MYT1L: variants seen among roughly 807,000 people sequenced by gnomAD.
MYT1L encodes myelin transcription factor 1-like protein.
In MYT1L, 12 loss-of-function variants were observed where a neutral mutation model predicts 126.7. That is an observed-to-expected ratio of 0.09 (90% CI 0.06 to 0.15). The LOEUF is 0.15. MYT1L is among the 10% of genes least tolerant of loss of function. The probability of loss-of-function intolerance (pLI) is 1.00; values close to 1 mark genes in which losing one functional copy is unlikely to be tolerated. For synonymous variants in MYT1L, 541 were observed against 604.2 expected (o/e 0.90, Z 1.53); for missense variants, 979 against 1,585.2 (o/e 0.62, Z 6.49).
At chr2:1,826,841 G>C (rs1399272257) in intron 21 of MYT1L, 4 of 151,800 alleles carry the variant, frequency 2.6e-5, no homozygotes, top group Non-Finnish European at 5.9e-5. Context: ...CGTGGGGGCA[G>C]GGGGAGCATG....
rs552224050 is a variant in MYT1L, at chr2:2,145,301, C to T, written c.-304+27571G>A. Among the ~76,000 whole-genome samples the T allele has an allele frequency of 4.6e-5, 7 of 152,310 alleles. No homozygotes were observed. In the South Asian group the frequency reaches 8.3e-4, roughly 18 times the overall value. On this transcript the variant is annotated intron_variant, in intron 3 of 24. Coordinates refer to ENST00000647738, the MANE Select transcript of MYT1L (RefSeq NM_001303052.2). ...ATGGCCGTCTGGGGCATAGAAGTGC[C>T]GCTGAATTTGTGAAATGGAATCAGC...
At chr2:2,061,462 G>C (rs2070481280) in intron 3 of MYT1L, among the ~76,000 whole-genome samples, 1 of 151,752 alleles carries the variant, frequency 6.6e-6, no homozygotes, top group African/African-American at 2.4e-5. Flanking sequence ...GCTGTGTTTA[G>C]TGCCTTTGTT....
intron 18 of MYT1L, among the ~76,000 whole-genome samples, chr2:1,863,884 C>T (rs1374650888): frequency 6.6e-6 from 1 of 152,188 alleles, no homozygotes; most frequent in Non-Finnish European, 1.5e-5. Context: ...TGTCTTGGGA[C>T]TCCCTCTCGG....
At chr2:2,085,873 C>T (rs183943413) in intron 3 of MYT1L, among the ~76,000 whole-genome samples, 1 of 152,224 alleles carries the variant, frequency 6.6e-6, no homozygotes, top group Non-Finnish European at 1.5e-5. Flanking sequence ...GTTTCCTGAT[C>T]CACAGACTCC....
In MYT1L at chr2:2,116,421, G is replaced by A. The variant is rs73173988; in HGVS notation, c.-304+56451C>T. Among the ~76,000 whole-genome samples, 1,278 of 152,314 alleles carry A rather than the reference G, an allele frequency of 8.4e-3. 19 individuals are homozygous for A. Among genetic ancestry groups the A allele is most frequent in the African/African-American group, 0.029 (1,203 of 41,552 alleles). ...TTGCTCCCAGGAGATCTCAATCACAGTGATGACTTGAATTCTCAGGCTAGC... is the reference window on the plus strand; with the variant it reads ...TTGCTCCCAGGAGATCTCAATCACAATGATGACTTGAATTCTCAGGCTAGC... On this transcript the variant is annotated intron_variant, in intron 3 of 24. Transcript: ENST00000647738.
chr2:1,790,449 A>G lies in MYT1L; in HGVS notation c.*1418T>C, dbSNP rs2031866560. The stretch of plus-strand genomic sequence containing the variant: ...ATAGTGCAGTCATTGGGAGTAAAAC[A>G]ATCAAATCTGGAAGGTATAAACAAG... On this transcript the variant is annotated 3_prime_UTR_variant, in exon 25 of 25. Coordinates refer to ENST00000647738, the MANE Select transcript of MYT1L (RefSeq NM_001303052.2). The G allele has an allele frequency of 6.6e-6, 1 of 152,232 alleles. No individual in the cohort carries two copies. The highest frequency in any genetic ancestry group is 6.5e-5 in the Admixed American group (1 of 15,282). The allele number at this position is 152,232 out of a possible 1,614,324, so 9.4% of individuals were successfully genotyped here. A position where few individuals can be genotyped will look rare whatever the true frequency, so the allele number is the denominator to read the frequency against.
At position 1,801,871 on chromosome 2, in the gene MYT1L, T is replaced by C; in HGVS notation, c.3173-72A>G. The C allele has an allele frequency of 1.1e-6, 1 of 919,430 alleles. No individual in the cohort carries two copies. Among genetic ancestry groups the C allele is most frequent in the South Asian group, 1.7e-5 (1 of 58,106 alleles). The allele number at this position is 919,430 out of a possible 1,614,324, so 57.0% of individuals were successfully genotyped here. On this transcript the variant is annotated intron_variant, in intron 22 of 24. Transcript: ENST00000647738. The surrounding 1 kb of genome is among the most constrained non-coding windows in gnomAD (Gnocchi z 4.2). The stretch of plus-strand genomic sequence containing the variant: ...ATTAGAGTTAGAATTTTGGGAGCTT[T>C]CTTTGTTCCTTTTATATTCGTAATT...
intron 2 of MYT1L, among the ~76,000 whole-genome samples, chr2:2,188,896 G>A (rs1384099167): frequency 2.0e-5 from 3 of 152,284 alleles, no homozygotes; most frequent in East Asian, 3.9e-4. Context: ...GCCACAGTCT[G>A]ATTTCCCTAG....
chr2:2,160,416 G>C (rs2087666663), intron 3 of MYT1L, among the ~76,000 whole-genome samples: 1 of 152,176 alleles, frequency 6.6e-6, no homozygotes, highest in South Asian at 2.1e-4. Context: ...CTGTAGAGAA[G>C]TCCTCTGAAT....
intron 2 of MYT1L, among the ~76,000 whole-genome samples, chr2:2,216,097 T>C (rs2093669644): frequency 6.6e-6 from 1 of 152,150 alleles, no homozygotes; most frequent in African/African-American, 2.4e-5. Context: ...TCATTTAAGC[T>C]TCCTGAGACC....
intron 8 of MYT1L, among the ~76,000 whole-genome samples, chr2:1,956,207 ATCTATCTATCTATCTATCTG>A (rs1342895694): frequency 6.1e-4 from 88 of 143,660 alleles, no homozygotes; most frequent in African/African-American, 2.3e-3. Flanking sequence ...CTATCTATCT[ATCTATCTATCTATCTATCTG>A]TCTATCATCT....
Position 1,995,833 on chromosome 2 carries a change from G to A in MYT1L, c.-1+1358C>T, listed in dbSNP as rs570885578. On this transcript the variant is annotated intron_variant, in intron 5 of 24. Coordinates refer to ENST00000647738, the MANE Select transcript of MYT1L (RefSeq NM_001303052.2). ...GATTCTCAGGGCTGCTGCAGGTGAC[G>A]AGGTGGGCAGCGGCTCTGCCTAGGA... Among the ~76,000 whole-genome samples, 537 of 152,290 alleles carry A rather than the reference G, an allele frequency of 3.5e-3. 2 individuals carry two copies. Among genetic ancestry groups the A allele is most frequent in the Non-Finnish European group, 5.1e-3 (346 of 68,022 alleles).
chr2:2,225,356 G>A (rs879375199), intron 2 of MYT1L, among the ~76,000 whole-genome samples: 3 of 152,136 alleles, frequency 2.0e-5, no homozygotes, highest in Non-Finnish European at 4.4e-5. Context: ...ATGGGGATGG[G>A]ACATCTTCAG....
chr2:2,255,074 A>G (rs2094769916), intron 2 of MYT1L, among the ~76,000 whole-genome samples: 1 of 152,210 alleles, frequency 6.6e-6, no homozygotes, highest in African/African-American at 2.4e-5. Flanking sequence ...TAGTTAATAA[A>G]AATAGGCCAA....
At chr2:1,899,246 T>C (rs928377969) in intron 14 of MYT1L, among the ~76,000 whole-genome samples, 9 of 152,248 alleles carry the variant, frequency 5.9e-5, no homozygotes, top group African/African-American at 1.9e-4. Flanking sequence ...TGCCCTGCAC[T>C]GTGGGAGCAA....
intron 2 of MYT1L, among the ~76,000 whole-genome samples, chr2:2,267,435 T>C (rs764246193): frequency 1.3e-5 from 2 of 152,114 alleles, no homozygotes; most frequent in Non-Finnish European, 2.9e-5. Flanking sequence ...CGCTTTAGTA[T>C]GTTCTAGAAA....
intron 18 of MYT1L, among the ~76,000 whole-genome samples, chr2:1,877,533 G>C (rs1372060331): frequency 2.0e-5 from 3 of 152,168 alleles, no homozygotes; most frequent in African/African-American, 7.2e-5. Flanking sequence ...GCCAGAAGCA[G>C]GTGCTTTTAT....
rs1055069900 is a variant in MYT1L, at chr2:1,835,484, C to T, written c.3080+3665G>A. Among the ~76,000 whole-genome samples, 6 of 152,192 alleles carry T rather than the reference C, an allele frequency of 3.9e-5. No homozygotes were observed. The East Asian group carries it at 1.2e-3, about 29-fold the overall frequency. On this transcript the variant is annotated intron_variant, in intron 21 of 24. Coordinates refer to ENST00000647738, the MANE Select transcript of MYT1L (RefSeq NM_001303052.2). ...AGATCGAAAAATTGTAAGTTGAGGA[C>T]CATCTGTATACCTAACACTACTGAA...
intron 3 of MYT1L, among the ~76,000 whole-genome samples, chr2:2,086,367 T>C (rs897003390): frequency 1.3e-5 from 2 of 152,248 alleles, no homozygotes; most frequent in African/African-American, 4.8e-5. Flanking sequence ...ACTTTAAACA[T>C]TATTTTTAAT....
Sources: gnomAD v4.1 joint callset for allele counts (sites outside exome capture counted in the v4.1 genomes callset) on GRCh38, gnomAD v4.1.1 for gene constraint, Gnocchi (gnomAD v3.1) non-coding constraint, MANE v1.5 for transcripts, NCBI Gene and HGNC (gene_info 2026-07-23, HGNC 2026-07-21) for gene names.